ERC2: variants seen among roughly 807,000 people sequenced by gnomAD.
ERC2 encodes ELKS/RAB6-interacting/CAST family member 2, also known as ERC protein 2.
A neutral mutation model predicts 114.8 loss-of-function variants in ERC2; 42 were observed. That is an observed-to-expected ratio of 0.37 (90% CI 0.29 to 0.47). The LOEUF (loss-of-function observed/expected upper bound fraction) is 0.47, where lower values mean the gene tolerates loss of function less well. ERC2 is among the 20% of genes least tolerant of loss of function. The pLI is 0.99. For synonymous variants in ERC2, 454 were observed against 425.5 expected, an observed-to-expected ratio of 1.07 and a Z score of -0.82; for missense variants, 939 against 1,150.7, an observed-to-expected ratio of 0.82 and a Z score of 2.66.
intron 6 of ERC2, among the ~76,000 whole-genome samples, chr3:56,098,308 A>AAAGC (rs2149798550): frequency 6.6e-6 from 1 of 152,332 alleles, no homozygotes; most frequent in South Asian, 2.1e-4. Flanking sequence ...AGCAGTCACC[A>AAAGC]TCAACCAAAG....
intron 1 of ERC2, among the ~76,000 whole-genome samples, chr3:56,462,687 C>A (rs1329563912): frequency 6.6e-6 from 1 of 152,132 alleles, no homozygotes; most frequent in African/African-American, 2.4e-5. Context: ...AAGTCCTTAA[C>A]CCCTCTAAGT....
intron 3 of ERC2, among the ~76,000 whole-genome samples, chr3:56,251,324 C>CA (rs1202471668): frequency 6.6e-6 from 1 of 152,130 alleles, no homozygotes; most frequent in Non-Finnish European, 1.5e-5. Flanking sequence ...AAAAAAAGCT[C>CA]AAAAAATCAT....
rs58749389 is a variant in ERC2, at chr3:55,539,415, C to CTTTTTTTTTT, written c.*40-28149_*40-28140dup. The stretch of plus-strand genomic sequence containing the variant: ...TCTCTCTCTCTCTCTTTTTTTCTTT[C>CTTTTTTTTTT]TTTTTTTTTTTTTTTTTTTTTTTTT... On this transcript the variant is annotated intron_variant, in intron 17 of 17. Coordinates refer to ENST00000288221, the MANE Select transcript of ERC2 (RefSeq NM_015576.3). 6.2e-3 allele frequency among the ~76,000 whole-genome samples: 244 copies of CTTTTTTTTTT among 39,110 alleles called. 18 individuals carry two copies. Among genetic ancestry groups the CTTTTTTTTTT allele is most frequent in the East Asian group, 7.9e-3 (6 of 764 alleles). The allele number at this position is 39,110 out of a possible 152,430, so 25.7% of individuals were successfully genotyped here.
chr3:56,032,889 G>GAA (rs1560055876), intron 7 of ERC2, among the ~76,000 whole-genome samples: 19 of 88,588 alleles, frequency 2.1e-4, no homozygotes, highest in Admixed American at 4.5e-4. Flanking sequence ...GAAAGAAAGA[G>GAA]AGAGAGAGAG....
chr3:56,216,390 TAGA>T lies in ERC2; in HGVS notation c.1075-42873_1075-42871del, dbSNP rs1193921350. Reference sequence around the variant, plus strand: ...CTCTACACAAATAAACTAGAAAATCTAGAAGAAATGGATAAATTCCTCGACACA... The same window carrying T: ...CTCTACACAAATAAACTAGAAAATCTAGAAATGGATAAATTCCTCGACACA... On this transcript the variant is annotated intron_variant, in intron 3 of 17. Transcript: ENST00000288221. 2.0e-5 allele frequency among the ~76,000 whole-genome samples: 3 copies of T among 152,190 alleles called. No individual in the cohort carries two copies. The East Asian group carries it at 5.8e-4, about 29-fold the overall frequency.
intron 3 of ERC2, among the ~76,000 whole-genome samples, chr3:56,218,977 C>T (rs1026082156): frequency 2.6e-5 from 4 of 151,820 alleles, no homozygotes; most frequent in Non-Finnish European, 5.9e-5. Flanking sequence ...CATCACACAC[C>T]GGGGCCTGTT....
chr3:56,397,480 A>G (rs1050486373), intron 2 of ERC2, among the ~76,000 whole-genome samples: 1 of 152,106 alleles, frequency 6.6e-6, no homozygotes, highest in African/African-American at 2.4e-5. Context: ...CCTTATGTAA[A>G]TTGTAGCATG....
At chr3:55,791,433 T>C (rs558317859) in intron 14 of ERC2, among the ~76,000 whole-genome samples, 1 of 152,282 alleles carries the variant, frequency 6.6e-6, no homozygotes, top group South Asian at 2.1e-4. Flanking sequence ...AGCAGACATG[T>C]AATGAACTAT....
intron 13 of ERC2, among the ~76,000 whole-genome samples, chr3:55,947,039 T>C (rs961723694): frequency 1.3e-5 from 2 of 152,238 alleles, no homozygotes; most frequent in African/African-American, 4.8e-5. Flanking sequence ...GGGCAACTCA[T>C]GTGCACATGT....
intron 2 of ERC2, among the ~76,000 whole-genome samples, chr3:56,393,784 A>G (rs1187633194): frequency 6.6e-6 from 1 of 152,138 alleles, no homozygotes; most frequent in Non-Finnish European, 1.5e-5. Flanking sequence ...GAGCCAGCTG[A>G]CTGAAAGCCA....
intron 14 of ERC2, among the ~76,000 whole-genome samples, chr3:55,804,598 T>A (rs755624231): frequency 2.0e-5 from 3 of 152,140 alleles, no homozygotes; most frequent in Non-Finnish European, 4.4e-5. Context: ...CCTTGCCTTG[T>A]GACCCTAAGA....
At chr3:55,773,376 C>A (rs907680462) in intron 14 of ERC2, among the ~76,000 whole-genome samples, 1 of 152,200 alleles carries the variant, frequency 6.6e-6, no homozygotes, top group African/African-American at 2.4e-5. Context: ...TCTATGAGGT[C>A]TTTTCATAAT....
At chr3:55,724,513 C>A (rs1179543838) in intron 15 of ERC2, among the ~76,000 whole-genome samples, 1 of 152,176 alleles carries the variant, frequency 6.6e-6, no homozygotes, top group Non-Finnish European at 1.5e-5. Flanking sequence ...GGCATCTCTG[C>A]ATAGTTCCTG....
chr3:55,931,821 T>C (rs2066110882), intron 13 of ERC2, among the ~76,000 whole-genome samples: 1 of 152,164 alleles, frequency 6.6e-6, no homozygotes, highest in African/African-American at 2.4e-5. Context: ...CTGGGGTAAC[T>C]AAAAAGTTCT....
At chr3:55,982,401 C>T (rs894422082) in intron 12 of ERC2, among the ~76,000 whole-genome samples, 14 of 151,940 alleles carry the variant, frequency 9.2e-5, no homozygotes, top group African/African-American at 2.4e-5. Flanking sequence ...CACGTTTCCT[C>T]TTACCTAATA....
chr3:56,222,897 G>A (rs1237220930), intron 3 of ERC2, among the ~76,000 whole-genome samples: 2 of 152,246 alleles, frequency 1.3e-5, no homozygotes, highest in African/African-American at 4.8e-5. Context: ...CAGAGCTTCA[G>A]GCAATGCCTG....
chr3:55,955,998 G>A (rs1379154329), intron 12 of ERC2, among the ~76,000 whole-genome samples: 1 of 150,384 alleles, frequency 6.6e-6, no homozygotes, highest in African/African-American at 2.5e-5. Context: ...GTGATTGTGA[G>A]GGGTTGATGA....
rs566479955 is a variant in ERC2, at chr3:55,552,982, C to A, written c.*40-41706G>T. ...TTTGGGTCTTCTAACTTAATAATTT[C>A]TGTGTCGTTATTATTGTGGGGCTTC... On this transcript the variant is annotated intron_variant, in intron 17 of 17. Coordinates refer to ENST00000288221, the MANE Select transcript of ERC2 (RefSeq NM_015576.3). Among the ~76,000 whole-genome samples, 6 of 103,328 alleles carry A rather than the reference C, an allele frequency of 5.8e-5. No homozygotes were observed. In the East Asian group the frequency reaches 1.7e-3, roughly 29 times the overall value. The allele number at this position is 103,328 out of a possible 152,430, so 67.8% of individuals were successfully genotyped here.
At chr3:55,778,829 C>T (rs1289638052) in intron 14 of ERC2, among the ~76,000 whole-genome samples, 1 of 151,864 alleles carries the variant, frequency 6.6e-6, no homozygotes, top group East Asian at 1.9e-4. Flanking sequence ...AAAAGTAAAA[C>T]AACAACAAGT....
Sources: gnomAD v4.1 joint callset for allele counts (sites outside exome capture counted in the v4.1 genomes callset) on GRCh38, gnomAD v4.1.1 for gene constraint, MANE v1.5 for transcripts, NCBI Gene and HGNC (gene_info 2026-07-23, HGNC 2026-07-21) for gene names.